The following FARS2 variants were observed in gnomAD, a reference collection of about 807,000 sequenced individuals.
FARS2 encodes phenylalanyl-tRNA synthetase 2, mitochondrial.
A neutral mutation model predicts 46.4 loss-of-function variants in FARS2; 40 were observed. That is an observed-to-expected ratio of 0.86 (90% CI 0.67 to 1.12). The LOEUF (loss-of-function observed/expected upper bound fraction) is 1.12. Ranked by LOEUF, FARS2 falls within the 50% of genes most tolerant of loss-of-function variation. FARS2 has a pLI of 0.00. For missense variants in FARS2, 513 were observed against 567.9 expected (o/e 0.90, Z 0.98); for synonymous variants, 234 against 214.9 (o/e 1.09, Z -0.78).
rs141777107 is a variant in FARS2, at chr6:5,494,679, A to G, written c.905-50501A>G. Among the ~76,000 whole-genome samples the G allele has an allele frequency of 5.7e-4, 87 of 152,010 alleles. 1 individual carries two copies. The Middle Eastern group carries it at 0.01, about 18-fold the overall frequency. On this transcript the variant is annotated intron_variant, in intron 4 of 6. Coordinates refer to ENST00000274680, the MANE Select transcript of FARS2 (RefSeq NM_006567.5). Reference sequence around the variant, plus strand: ...TATTCTCTTCTGTTGTTTCCTTCACATCTCATCCTTCTTTATCATTCCCAT... The same window carrying G: ...TATTCTCTTCTGTTGTTTCCTTCACGTCTCATCCTTCTTTATCATTCCCAT...
intron 2 of FARS2, among the ~76,000 whole-genome samples, chr6:5,383,603 A>G (rs1759930216): frequency 6.6e-6 from 1 of 152,186 alleles, no homozygotes; most frequent in Non-Finnish European, 1.5e-5. Flanking sequence ...CGCTCCTGAC[A>G]TTAGGAGGTG....
chr6:5,295,375 G>T (rs979722692), intron 1 of FARS2, among the ~76,000 whole-genome samples: 10 of 152,144 alleles, frequency 6.6e-5, no homozygotes, highest in Admixed American at 2.0e-4. Flanking sequence ...GTAGCTCATG[G>T]TGTTATTCTA....
intron 5 of FARS2, among the ~76,000 whole-genome samples, chr6:5,578,307 G>A (rs954848656): frequency 6.6e-6 from 1 of 151,990 alleles, no homozygotes; most frequent in Non-Finnish European, 1.5e-5. Context: ...TTAGACTGTG[G>A]CCCCTTCTCA....
intron 4 of FARS2, chr6:5,451,675 A>G (rs746977652): frequency 1.3e-5 from 2 of 152,210 alleles, no homozygotes; most frequent in Non-Finnish European, 2.9e-5. Flanking sequence ...GATACTCTAC[A>G]TAATTAATAC....
chr6:5,687,096 T>G (rs1177577412), intron 6 of FARS2, among the ~76,000 whole-genome samples: 1 of 152,252 alleles, frequency 6.6e-6, no homozygotes, highest in Non-Finnish European at 1.5e-5. Context: ...TTCTGGGTAT[T>G]AGCCCTTTGT....
intron 1 of FARS2, among the ~76,000 whole-genome samples, chr6:5,315,765 T>TCTTTCTTTCTTCCTTTCTTTCTTTC (rs1769476102): frequency 7.5e-6 from 1 of 132,754 alleles, no homozygotes; most frequent in Non-Finnish European, 1.6e-5. Context: ...TTTCTTTTTT[T>TCTTTCTTTCTTCCTTTCTTTCTTTC]TGGGGAGAAG....
intron 6 of FARS2, among the ~76,000 whole-genome samples, chr6:5,768,783 T>C (rs1762874633): frequency 6.6e-6 from 1 of 152,244 alleles, no homozygotes; most frequent in Admixed American, 6.5e-5. Context: ...TTTGCAGAAA[T>C]GTCTATTCAG....
intron 4 of FARS2, among the ~76,000 whole-genome samples, chr6:5,487,498 C>A (rs1470567619): frequency 6.6e-6 from 1 of 152,196 alleles, no homozygotes; most frequent in African/African-American, 2.4e-5. Flanking sequence ...TTAATACCTA[C>A]AACAGCCGTG....
chr6:5,368,882 C>A lies in FARS2; in HGVS notation c.312C>A (p.Arg104=), dbSNP rs755776049. 31 of 1,614,032 alleles carry A rather than the reference C, an allele frequency of 1.9e-5. No individual in the cohort carries two copies. Among genetic ancestry groups the A allele is most frequent in the Non-Finnish European group, 2.5e-5 (30 of 1,180,038 alleles). The part of the protein sequence containing the change: ...KEHFYKQYVG[R]FGTPLFSVYD... The stretch of plus-strand genomic sequence containing the variant: ...ACTTCTACAAGCAGTATGTGGGCCG[C>A]TTTGGGACCCCGTTGTTCTCGGTCT... Residue 104 remains arginine, a synonymous_variant, in exon 2 of 7, where the codon CGC becomes CGA. Coordinates refer to ENST00000274680, the MANE Select transcript of FARS2 (RefSeq NM_006567.5).
intron 4 of FARS2, among the ~76,000 whole-genome samples, chr6:5,523,416 CTT>C (rs74406753): frequency 7.1e-6 from 1 of 140,846 alleles, no homozygotes; most frequent in African/African-American, 2.6e-5. Flanking sequence ...CATATGCTAT[CTT>C]TTTTTTTTTT....
chr6:5,536,668 T>C (rs897207644), intron 4 of FARS2, among the ~76,000 whole-genome samples: 1 of 152,238 alleles, frequency 6.6e-6, no homozygotes, highest in African/African-American at 2.4e-5. Context: ...CTGGTGTCCA[T>C]GTAGCCTGGT....
chr6:5,680,476 T>C lies in FARS2; in HGVS notation c.1217+67156T>C, dbSNP rs145615397. 1.3e-3 allele frequency among the ~76,000 whole-genome samples: 203 copies of C among 152,328 alleles called. 4 individuals are homozygous for C. The East Asian group carries it at 0.03, about 22-fold the overall frequency. ...TAGGGAAAACGCTAAATGAGAATTA[T>C]GATCAACTAGAAATAAAAGGAAAAT... On this transcript the variant is annotated intron_variant, in intron 6 of 6. Transcript: ENST00000274680.
chr6:5,493,706 G>A (rs1767275423), intron 4 of FARS2, among the ~76,000 whole-genome samples: 2 of 152,254 alleles, frequency 1.3e-5, no homozygotes, highest in Middle Eastern at 3.4e-3. Flanking sequence ...GTTGTTTTGA[G>A]GATTGAAAGA....
intron 4 of FARS2, among the ~76,000 whole-genome samples, chr6:5,518,219 G>A (rs1768929403): frequency 6.6e-6 from 1 of 152,146 alleles, no homozygotes; most frequent in African/African-American, 2.4e-5. Flanking sequence ...GGCTATAACT[G>A]TGGTGATCAG....
intron 3 of FARS2, among the ~76,000 whole-genome samples, chr6:5,428,263 A>G (rs1762959229): frequency 6.6e-6 from 1 of 152,216 alleles, no homozygotes; most frequent in East Asian, 1.9e-4. Flanking sequence ...GAGTTGTATA[A>G]CTGAACTCTT....
chr6:5,693,083 GTT>G (rs1372565394), intron 6 of FARS2, among the ~76,000 whole-genome samples: 1 of 152,102 alleles, frequency 6.6e-6, no homozygotes, highest in African/African-American at 2.4e-5. Flanking sequence ...TTAACAATAA[GTT>G]ATTATTGTAC....
At position 5,364,576 on chromosome 6, in the gene FARS2, G is replaced by C. The variant is rs73718079; in HGVS notation, c.-21-3974G>C. ...TTTTCAGTAGGTTAAGCTAAAACAG[G>C]GCTCAGCAAACTCTATAACAGACCA... On this transcript the variant is annotated intron_variant, in intron 1 of 6. Transcript: ENST00000274680. Among the ~76,000 whole-genome samples, 671 of 152,114 alleles carry C rather than the reference G, an allele frequency of 4.4e-3. 7 individuals are homozygous for C. The highest frequency in any genetic ancestry group is 0.015 in the African/African-American group (636 of 41,484).
Position 5,604,538 on chromosome 6 carries a change from C to A in FARS2, c.1066-8631C>A, listed in dbSNP as rs892282249. ...CTCACTACCAGGCCCTCGGCGGACC[C>A]CAGGCGTCTCTGAAACCACAGAACT... On this transcript the variant is annotated intron_variant, in intron 5 of 6. Transcript: ENST00000274680. Among the ~76,000 whole-genome samples, 3 of 152,162 alleles carry A rather than the reference C, an allele frequency of 2.0e-5. No individual in the cohort carries two copies. The East Asian group carries it at 5.8e-4, about 29-fold the overall frequency.
chr6:5,594,753 G>A (rs1055354774), intron 5 of FARS2, among the ~76,000 whole-genome samples: 6 of 152,154 alleles, frequency 3.9e-5, no homozygotes, highest in South Asian at 2.1e-4. Flanking sequence ...GGAGGGACCC[G>A]TGGGGCTGGG....
Sources: allele counts gnomAD v4.1 joint callset (sites outside exome capture counted in the v4.1 genomes callset), GRCh38; gene constraint gnomAD v4.1.1; transcripts MANE v1.5; gene names NCBI Gene and HGNC (gene_info 2026-07-23, HGNC 2026-07-21).